The following SLC24A2 variants were observed in gnomAD, a reference collection of about 807,000 sequenced individuals.
The protein encoded by SLC24A2 is sodium/potassium/calcium exchanger 2.
Under a neutral mutation model 62.0 loss-of-function variants are expected in SLC24A2, and 36 were observed. That is an observed-to-expected ratio of 0.58 (90% CI 0.44 to 0.77). SLC24A2 has a LOEUF of 0.77. Ranked by LOEUF, SLC24A2 falls within the 30% of genes least tolerant of loss-of-function variation. The pLI, the probability that SLC24A2 is intolerant of heterozygous loss-of-function variation, is 0.00. For synonymous variants in SLC24A2, 358 were observed against 294.0 expected (o/e 1.22, Z -2.23); for missense variants, 846 against 817.9 (o/e 1.03, Z -0.42).
At chr9:19,905,395 GC>G in the SLC24A2 span, among the ~76,000 whole-genome samples, 2 of 150,234 alleles carry the variant, frequency 1.3e-5, no homozygotes, top group African/African-American at 5.0e-5. Flanking sequence ...TAACTCCATC[GC>G]TTCCCACCTC....
At chr9:19,731,108 A>G (rs1355076268) in intron 2 of SLC24A2, among the ~76,000 whole-genome samples, 1 of 152,238 alleles carries the variant, frequency 6.6e-6, no homozygotes, top group Non-Finnish European at 1.5e-5. Flanking sequence ...AATCAAGTTT[A>G]GCAATTCTTC....
At chr9:19,831,723 G>GA in the SLC24A2 span, among the ~76,000 whole-genome samples, 3 of 152,064 alleles carry the variant, frequency 2.0e-5, no homozygotes, top group Non-Finnish European at 4.4e-5. Context: ...CTGGTAGTGA[G>GA]AAAAAAATCT....
chr9:19,809,739 T>C, the SLC24A2 span, among the ~76,000 whole-genome samples: 1 of 152,084 alleles, frequency 6.6e-6, no homozygotes, highest in Non-Finnish European at 1.5e-5. Context: ...GTAAACGTCA[T>C]ACCTGATCGA....
At chr9:20,139,767 A>G in the SLC24A2 span, among the ~76,000 whole-genome samples, 1 of 152,186 alleles carries the variant, frequency 6.6e-6, no homozygotes, top group Admixed American at 6.5e-5. Flanking sequence ...TCCACACACT[A>G]AGACTGGAGA....
the SLC24A2 span, among the ~76,000 whole-genome samples, chr9:19,809,895 C>G: frequency 6.6e-6 from 1 of 151,988 alleles, no homozygotes; most frequent in African/African-American, 2.4e-5. Flanking sequence ...TTTCTTTTAC[C>G]TATTAAACCT....
intron 2 of SLC24A2, among the ~76,000 whole-genome samples, chr9:19,783,799 C>T (rs73432073): frequency 0.012 from 1,789 of 152,054 alleles, 41 homozygotes; most frequent in African/African-American, 0.04. Flanking sequence ...TTGAGAAGTA[C>T]AAAATAAGAC....
At chr9:19,798,358 A>T in the SLC24A2 span, among the ~76,000 whole-genome samples, 1 of 152,194 alleles carries the variant, frequency 6.6e-6, no homozygotes, top group Non-Finnish European at 1.5e-5. Context: ...ATAGAACAAA[A>T]TAATTCCTAC....
chr9:19,923,771 C>G, the SLC24A2 span, among the ~76,000 whole-genome samples: 1 of 152,102 alleles, frequency 6.6e-6, no homozygotes, highest in Non-Finnish European at 1.5e-5. Context: ...TGTTTTGAGA[C>G]AGAGTTGTTC....
the SLC24A2 span, among the ~76,000 whole-genome samples, chr9:19,925,894 G>T: frequency 6.6e-6 from 1 of 152,182 alleles, no homozygotes; most frequent in East Asian, 1.9e-4. Context: ...CCTTTTTAAA[G>T]AAATTGCTAG....
At chr9:19,870,619 C>T in the SLC24A2 span, among the ~76,000 whole-genome samples, 27 of 152,110 alleles carry the variant, frequency 1.8e-4, no homozygotes, top group Admixed American at 1.8e-3. Flanking sequence ...ATTTTACTAT[C>T]CCACCAGCAG....
the SLC24A2 span, among the ~76,000 whole-genome samples, chr9:20,227,426 G>T: frequency 6.6e-6 from 1 of 150,898 alleles, no homozygotes; most frequent in Non-Finnish European, 1.5e-5. Flanking sequence ...AATATTTAAT[G>T]ATAGCTCAAC....
At chr9:20,162,249 A>G in the SLC24A2 span, among the ~76,000 whole-genome samples, 8 of 151,556 alleles carry the variant, frequency 5.3e-5, no homozygotes, top group African/African-American at 1.9e-4. Flanking sequence ...AAGAAAAACA[A>G]AATAGGCTTC....
At chr9:20,167,912 T>C in the SLC24A2 span, among the ~76,000 whole-genome samples, 1 of 151,566 alleles carries the variant, frequency 6.6e-6, no homozygotes, top group Non-Finnish European at 1.5e-5. Flanking sequence ...ATTCGACTGC[T>C]GGCAATTTTT....
the SLC24A2 span, among the ~76,000 whole-genome samples, chr9:20,001,304 C>G: frequency 1.3e-5 from 2 of 152,196 alleles, no homozygotes; most frequent in Non-Finnish European, 2.9e-5. Flanking sequence ...TGCCTCACAA[C>G]GCACCCTCTC....
chr9:19,835,128 A>C, the SLC24A2 span, among the ~76,000 whole-genome samples: 1 of 152,228 alleles, frequency 6.6e-6, no homozygotes, highest in African/African-American at 2.4e-5. Context: ...AACATGCCAA[A>C]TTGTAAAGAC....
At chr9:19,874,075 C>CTTTTTTTTTTTTTTT in the SLC24A2 span, among the ~76,000 whole-genome samples, 12 of 107,302 alleles carry the variant, frequency 1.1e-4, no homozygotes, top group East Asian at 5.2e-4. Context: ...CTTTTCTTTT[C>CTTTTTTTTTTTTTTT]TTTTTTTTTT....
At chr9:20,293,788 G>T in the SLC24A2 span, among the ~76,000 whole-genome samples, 1 of 152,026 alleles carries the variant, frequency 6.6e-6, no homozygotes, top group African/African-American at 2.4e-5. Flanking sequence ...TTTCTACAAG[G>T]GGTCCTCCTA....
At chr9:20,258,272 T>G in the SLC24A2 span, among the ~76,000 whole-genome samples, 1 of 152,256 alleles carries the variant, frequency 6.6e-6, no homozygotes, top group African/African-American at 2.4e-5. Context: ...AAGCATTAAT[T>G]ATTCTCAATG....
At chr9:20,225,564 A>ATATATATAATATATATTATATATATAT in the SLC24A2 span, among the ~76,000 whole-genome samples, 2,310 of 115,946 alleles carry the variant, frequency 0.02, 367 homozygotes, top group African/African-American at 0.087. Context: ...TATATATTAT[A>ATATATATAATATATATTATATATATAT]TATATATATA....
Sources: gnomAD v4.1 joint callset for allele counts (sites outside exome capture counted in the v4.1 genomes callset) on GRCh38, gnomAD v4.1.1 for gene constraint, MANE v1.5 for transcripts, NCBI Gene and HGNC (gene_info 2026-07-23, HGNC 2026-07-21) for gene names.